Variants in CNTNAP5 observed in about 807,000 individuals in gnomAD.
CNTNAP5 encodes the protein contactin associated protein family member 5, also known as contactin-associated protein-like 5.
CNTNAP5 carries 72 observed loss-of-function variants against 150.2 expected under a neutral mutation model. The ratio of observed to expected loss-of-function variants is 0.48; its 90% CI spans 0.40 to 0.58. CNTNAP5 has a LOEUF of 0.58. Ranked by LOEUF, CNTNAP5 falls within the 20% of genes least tolerant of loss-of-function variation. The probability of loss-of-function intolerance (pLI) is 0.00; values close to 1 mark genes in which losing one functional copy is unlikely to be tolerated. For synonymous variants in CNTNAP5, 672 were observed against 619.8 expected, an observed-to-expected ratio of 1.08 and a Z score of -1.25; for missense variants, 1,636 against 1,626.2, an observed-to-expected ratio of 1.01 and a Z score of -0.10.
chr2:124,651,252 TA>T (rs1338833406), intron 13 of CNTNAP5, among the ~76,000 whole-genome samples: 2 of 152,346 alleles, frequency 1.3e-5, no homozygotes, highest in East Asian at 3.9e-4. Flanking sequence ...TGAAAAATTA[TA>T]AATTATGGCT....
intron 19 of CNTNAP5, among the ~76,000 whole-genome samples, chr2:124,818,494 T>A (rs1027430587): frequency 1.3e-5 from 2 of 152,154 alleles, no homozygotes; most frequent in African/African-American, 4.8e-5. Context: ...ATTGCACTAC[T>A]GCACTCCATT....
chr2:124,195,628 C>CA (rs1416065314), intron 1 of CNTNAP5, among the ~76,000 whole-genome samples: 1 of 152,108 alleles, frequency 6.6e-6, no homozygotes, highest in Non-Finnish European at 1.5e-5. Context: ...TACACACACA[C>CA]ACACATAATT....
intron 1 of CNTNAP5, among the ~76,000 whole-genome samples, chr2:124,109,681 G>A (rs903693515): frequency 3.3e-5 from 5 of 152,276 alleles, no homozygotes; most frequent in African/African-American, 1.2e-4. Context: ...AGCCACAGGT[G>A]TGGCTGGCTA....
chr2:124,286,357 T>C (rs1383800472), intron 3 of CNTNAP5, among the ~76,000 whole-genome samples: 1 of 152,232 alleles, frequency 6.6e-6, no homozygotes, highest in Non-Finnish European at 1.5e-5. Context: ...TCTTTACAGT[T>C]ACATTCCAGA....
intron 3 of CNTNAP5, among the ~76,000 whole-genome samples, chr2:124,304,599 T>C (rs1248150404): frequency 6.6e-6 from 1 of 151,894 alleles, no homozygotes; most frequent in Admixed American, 6.6e-5. Flanking sequence ...GAACCTCCTT[T>C]AAAAAAATAA....
At chr2:124,240,117 G>C (rs1686848773) in intron 2 of CNTNAP5, among the ~76,000 whole-genome samples, 1 of 152,138 alleles carries the variant, frequency 6.6e-6, no homozygotes, top group South Asian at 2.1e-4. Context: ...TTATGATGGA[G>C]ATAATGCTAT....
chr2:124,417,332 C>A, intron 3 of CNTNAP5, 111 bp from the exon 4 acceptor site: 1 of 1,032,374 alleles, frequency 9.7e-7, no homozygotes, highest in Non-Finnish European at 1.4e-6. Context: ...AATTGAAATA[C>A]GTGAGAAATT....
chr2:124,316,669 G>T (rs1688968143), intron 3 of CNTNAP5, among the ~76,000 whole-genome samples: 1 of 151,728 alleles, frequency 6.6e-6, no homozygotes, highest in Admixed American at 6.6e-5. Context: ...GCCGGGAGTG[G>T]TGGCAGGTGC....
intron 2 of CNTNAP5, among the ~76,000 whole-genome samples, chr2:124,226,414 G>A (rs958926979): frequency 2.0e-5 from 3 of 152,006 alleles, no homozygotes; most frequent in African/African-American, 4.8e-5. Context: ...TTGGAAAAAC[G>A]TCAATTTAGT....
At chr2:124,477,154 C>A (rs550839210) in intron 7 of CNTNAP5, among the ~76,000 whole-genome samples, 1 of 152,204 alleles carries the variant, frequency 6.6e-6, no homozygotes, top group African/African-American at 2.4e-5. Flanking sequence ...AATTGGAAAT[C>A]TCTTCAACTG....
At chr2:124,074,641 G>GTATTGACTCCTAGACA (rs1472967279) in intron 1 of CNTNAP5, among the ~76,000 whole-genome samples, 1 of 152,064 alleles carries the variant, frequency 6.6e-6, no homozygotes, top group African/African-American at 2.4e-5. Context: ...AGTGTCATGG[G>GTATTGACTCCTAGACA]TATTGACTCC....
At chr2:124,194,366 CATATATATATATATATATATATAT>C (rs1189694569) in intron 1 of CNTNAP5, among the ~76,000 whole-genome samples, 12 of 101,230 alleles carry the variant, frequency 1.2e-4, no homozygotes, top group African/African-American at 5.0e-4. Flanking sequence ...TAAATTAGGT[CATATATATATATATATATATATAT>C]ATATATATAT....
chr2:124,334,182 G>A (rs900298597), intron 3 of CNTNAP5, among the ~76,000 whole-genome samples: 1 of 152,032 alleles, frequency 6.6e-6, no homozygotes, highest in Non-Finnish European at 1.5e-5. Flanking sequence ...ATTGCTAAAG[G>A]CCTATTTTTG....
chr2:124,719,942 A>G (rs969258900), intron 13 of CNTNAP5, among the ~76,000 whole-genome samples: 2 of 152,134 alleles, frequency 1.3e-5, no homozygotes, highest in African/African-American at 2.4e-5. Flanking sequence ...TATTTTGCCT[A>G]AAACAGATGA....
At chr2:124,242,477 C>A in intron 3 of CNTNAP5, 84 bp downstream of exon 3, 3 of 1,322,764 alleles carry the variant, frequency 2.3e-6, no homozygotes, top group Non-Finnish European at 3.1e-6. Context: ...TTCCAATATC[C>A]AGATTGTTGG....
intron 1 of CNTNAP5, among the ~76,000 whole-genome samples, chr2:124,050,945 T>C (rs1681679912): frequency 6.6e-6 from 1 of 152,184 alleles, no homozygotes; most frequent in African/African-American, 2.4e-5. Flanking sequence ...GGATAACATC[T>C]AGAGTGCTTA....
chr2:124,713,359 C>CTTTCTTT (rs1553434529), intron 13 of CNTNAP5, among the ~76,000 whole-genome samples: 1 of 122,474 alleles, frequency 8.2e-6, no homozygotes, highest in Non-Finnish European at 1.7e-5. Flanking sequence ...TTCTTTCTTT[C>CTTTCTTT]TTTCTTTCTT....
chr2:124,091,907 C>T (rs1309948985), intron 1 of CNTNAP5, among the ~76,000 whole-genome samples: 2 of 152,188 alleles, frequency 1.3e-5, no homozygotes, highest in African/African-American at 4.8e-5. Flanking sequence ...GTCAAATACA[C>T]ATTACCTGAA....
At chr2:124,098,110 T>C (rs1010999789) in intron 1 of CNTNAP5, among the ~76,000 whole-genome samples, 3 of 152,244 alleles carry the variant, frequency 2.0e-5, no homozygotes, top group African/African-American at 7.2e-5. Context: ...TAGCCTATTA[T>C]CGGCCAGAAG....
Sources: gnomAD v4.1 joint callset for allele counts (sites outside exome capture counted in the v4.1 genomes callset) on GRCh38, gnomAD v4.1.1 for gene constraint, MANE v1.5 for transcripts, NCBI Gene and HGNC (gene_info 2026-07-23, HGNC 2026-07-21) for gene names.